The following DLG4 variants were observed in gnomAD, a reference collection of about 807,000 sequenced individuals.
DLG4 encodes discs large MAGUK scaffold protein 4, also known as disks large homolog 4.
In DLG4, 7 loss-of-function variants were observed where a neutral mutation model predicts 93.8. That is an observed-to-expected ratio of 0.07 (90% CI 0.04 to 0.14). The LOEUF (loss-of-function observed/expected upper bound fraction) is 0.14. DLG4 is among the 10% of genes least tolerant of loss of function. The pLI is 1.00. For missense variants in DLG4, 545 were observed against 992.9 expected (o/e 0.55, Z 6.06); for synonymous variants, 341 against 387.6 (o/e 0.88, Z 1.41).
At chr17:7,219,935 G>GCGGGCGTGCAGGACC, upstream of DLG4, 3 of 1,577,922 alleles carry the variant, frequency 1.9e-6, 1 homozygote, top group South Asian at 3.4e-5. Flanking sequence ...CGTGCAGGAC[G>GCGGGCGTGCAGGACC]CCAGAGCTGG....
In DLG4 at chr17:7,208,351, G is replaced by A. The variant is rs2070575903; in HGVS notation, c.31-112C>T. On this transcript the variant is annotated intron_variant, in intron 1 of 19. Transcript: ENST00000399506. This position sits in a 1 kb window ranked among gnomAD's most constrained non-coding sequence, Gnocchi z 5.4. Reference sequence around the variant, plus strand: ...GCCAGTGCAGTGCGGAAGGCCCTGGGGCCTGACCAGCTCCTCCCCCTCCCT... The same window carrying A: ...GCCAGTGCAGTGCGGAAGGCCCTGGAGCCTGACCAGCTCCTCCCCCTCCCT... 2.1e-6 allele frequency: 2 copies of A among 959,540 alleles called. No homozygotes were observed. Among genetic ancestry groups the A allele is most frequent in the Non-Finnish European group, 2.8e-6 (2 of 713,908 alleles). The allele number at this position is 959,540 out of a possible 1,614,324, so 59.4% of individuals were successfully genotyped here. A position where few individuals can be genotyped will look rare whatever the true frequency, so the allele number is the denominator to read the frequency against.
At position 7,217,433 on chromosome 17, in the gene DLG4, A is replaced by G; in HGVS notation, c.-286T>C. On this transcript the variant is annotated 5_prime_UTR_variant, in exon 1 of 20. Transcript: ENST00000399506. ...AGGGGCGGGGGCACCGGGGGCTGGC[A>G]GCCCCGGAGTTCGGGGGCTGGGGCA... 1 of 210,424 alleles carries G rather than the reference A, an allele frequency of 4.8e-6. No homozygotes were observed. Among genetic ancestry groups the G allele is most frequent in the Non-Finnish European group, 8.1e-6 (1 of 123,952 alleles). The allele number at this position is 210,424 out of a possible 1,614,324, so 13.0% of individuals were successfully genotyped here. A position where few individuals can be genotyped will look rare whatever the true frequency, so the allele number is the denominator to read the frequency against.
chr17:7,217,895 G>A (rs1048237452), upstream of DLG4: 52 of 1,398,380 alleles, frequency 3.7e-5, no homozygotes, highest in South Asian at 5.0e-5. Context: ...ATACGGGAGG[G>A]AGGCCTCTCG....
Position 7,187,412 on chromosome 17 carries a change from G to A in DLG4, c.*3296C>T, listed in dbSNP as rs547548185. On this transcript the variant is annotated 3_prime_UTR_variant, in exon 20 of 20. Coordinates refer to ENST00000399506, the MANE Select transcript of DLG4 (RefSeq NM_001321075.3). ...ATACAAAAAATTAGCTGGGCGTGGT[G>A]GCATGCACCTGTAATCCCAGCTACT... Among the ~76,000 whole-genome samples the A allele has an allele frequency of 7.9e-5, 12 of 151,564 alleles. No homozygotes were observed. In the South Asian group the frequency reaches 2.5e-3, roughly 32 times the overall value.
chr17:7,204,179 C>A lies in DLG4; in HGVS notation c.150+20G>T. On this transcript the variant is annotated intron_variant, in intron 3 of 19. Coordinates refer to ENST00000399506, the MANE Select transcript of DLG4 (RefSeq NM_001321075.3). ...CCTTCCTTCTGCAATGGCCCCAGCC[C>A]CAAAATCTAAACAACTCACATATCC... 1.2e-6 allele frequency: 2 copies of A among 1,606,834 alleles called. No individual in the cohort carries two copies. The highest frequency in any genetic ancestry group is 1.7e-6 in the Non-Finnish European group (2 of 1,175,614).
chr17:7,190,681 C>T lies in DLG4; in HGVS notation c.*27G>A, dbSNP rs1259134795. 8 of 1,586,132 alleles carry T rather than the reference C, an allele frequency of 5.0e-6. No individual in the cohort carries two copies. Among genetic ancestry groups the T allele is most frequent in the Admixed American group, 3.3e-5 (2 of 59,940 alleles). Reference sequence around the variant, plus strand: ...AAGGGCCCAGGTGATGGAGGCAGGGCGAGTCCAGGCCAAGCCAGGGCAGGA... The same window carrying T: ...AAGGGCCCAGGTGATGGAGGCAGGGTGAGTCCAGGCCAAGCCAGGGCAGGA... On this transcript the variant is annotated 3_prime_UTR_variant, in exon 20 of 20. Coordinates refer to ENST00000399506, the MANE Select transcript of DLG4 (RefSeq NM_001321075.3).
intron 8 of DLG4, among the ~76,000 whole-genome samples, chr17:7,202,423 T>C (rs1214467815): frequency 6.6e-6 from 1 of 152,218 alleles, no homozygotes; most frequent in African/African-American, 2.4e-5. Flanking sequence ...GAGCCATCTT[T>C]AGTTTTCTGA....
In DLG4 at chr17:7,196,099, G is replaced by C. The variant is rs1321469982; in HGVS notation, c.1301+121C>G. ...GCCCATGAACCCTGGCTGCGCCTCA[G>C]GCCTGGGGTGGGGAGCTAGAGCAGG... On this transcript the variant is annotated intron_variant, in intron 11 of 19. Transcript: ENST00000399506. The surrounding 1 kb of genome is among the most constrained non-coding windows in gnomAD (Gnocchi z 8.3). 1 of 695,488 alleles carries C rather than the reference G, an allele frequency of 1.4e-6. No individual in the cohort carries two copies. The highest frequency in any genetic ancestry group is 1.8e-5 in the African/African-American group (1 of 55,798). 43.1% of individuals were successfully genotyped at this position (695,488 alleles called of 1,614,324 possible).
At position 7,195,720 on chromosome 17, in the gene DLG4, G is replaced by C. The variant is rs1220664088; in HGVS notation, c.1301+500C>G. Among the ~76,000 whole-genome samples, 4 of 152,144 alleles carry C rather than the reference G, an allele frequency of 2.6e-5. No homozygotes were observed. Among genetic ancestry groups the C allele is most frequent in the Non-Finnish European group, 5.9e-5 (4 of 68,028 alleles). ...ACAGAAGTGGAGGGGTGACCCCCGG[G>C]GGCGGGAGAGAGGTGTGTTTTGGCA... On this transcript the variant is annotated intron_variant, in intron 11 of 19. Coordinates refer to ENST00000399506, the MANE Select transcript of DLG4 (RefSeq NM_001321075.3). The surrounding 1 kb of genome is among the most constrained non-coding windows in gnomAD (Gnocchi z 4.3).
intron 19 of DLG4, 41 bp from the exon 20 acceptor site, chr17:7,190,855 C>A (rs2069451204): frequency 6.4e-7 from 1 of 1,550,734 alleles, no homozygotes; most frequent in Non-Finnish European, 8.9e-7. Flanking sequence ...CAAGGAAGGG[C>A]CAGAGGACAC....
upstream of DLG4, chr17:7,218,590 T>C (rs768074006): frequency 1.5e-5 from 24 of 1,566,472 alleles, no homozygotes; most frequent in Non-Finnish European, 1.9e-5. Flanking sequence ...GGAGTGGGGG[T>C]GCCCACCGCA....
Position 7,193,960 on chromosome 17 carries a change from C to G in DLG4, c.1515+4G>C, listed in dbSNP as rs1410696214. 8.1e-6 allele frequency: 13 copies of G among 1,613,424 alleles called. No individual in the cohort carries two copies. In the Admixed American group the frequency reaches 2.0e-4, roughly 25 times the overall value. On this transcript the variant is annotated splice_donor_region_variant and intron_variant, in intron 13 of 19. Coordinates refer to ENST00000399506, the MANE Select transcript of DLG4 (RefSeq NM_001321075.3). The surrounding 1 kb of genome is among the most constrained non-coding windows in gnomAD (Gnocchi z 6.7). ...CACCCAGGCTCACACCCTCCTCCAC[C>G]TACCTTGGCCTTTAACCTTGACCAC...
At position 7,202,910 on chromosome 17, in the gene DLG4, G is replaced by C; in HGVS notation, c.780C>G (p.Ile260Met). The change falls in exon 8 of 20, where the codon ATC (isoleucine) becomes ATG (methionine). Residue 260 changes from isoleucine to methionine, a missense_variant. By Grantham distance (10) the Ile-to-Met change is conservative. Around this residue, in one of 5 missense-constraint regions of DLG4, gnomAD observed 428 missense variants for 741.4 expected, o/e 0.58. Transcript: ENST00000399506. The part of the protein sequence containing the change: ...YLSDSYAPPD[I>M]TTSYSQHLDN... ...TGTTTGAAGGGCTCTCACAGGTTGT[G>C]ATGTCTGGGGGAGCATAGCTGTCAC... is the stretch of plus-strand genomic sequence containing the variant. The C allele has an allele frequency of 1.9e-6, 3 of 1,614,008 alleles. No homozygotes were observed. Among genetic ancestry groups the C allele is most frequent in the Non-Finnish European group, 2.5e-6 (3 of 1,179,864 alleles).
chr17:7,205,158 C>G (rs774157753), intron 2 of DLG4: 880 of 985,508 alleles, frequency 8.9e-4, no homozygotes, highest in Non-Finnish European at 1.0e-3. Flanking sequence ...ACGCCCCTCA[C>G]CCTACGCAGT....
chr17:7,202,581 T>C (rs2142879891), intron 8 of DLG4: 2 of 479,058 alleles, frequency 4.2e-6, no homozygotes, highest in East Asian at 6.1e-5. Flanking sequence ...ACTGGCCTTA[T>C]AAAATGAAAT....
chr17:7,203,444 T>C lies in DLG4; in HGVS notation c.485A>G (p.Lys162Arg). The C allele has an allele frequency of 6.2e-7, 1 of 1,609,422 alleles. No individual in the cohort carries two copies. Among genetic ancestry groups the C allele is most frequent in the Non-Finnish European group, 8.5e-7 (1 of 1,176,148 alleles). Residue 162 changes from lysine to arginine, a missense_variant, in exon 6 of 20, where the codon AAG becomes AGG. Physicochemically the swap from Lys to Arg is conservative, Grantham distance 26. Transcript: ENST00000399506. This position sits in a 1 kb window ranked among gnomAD's most constrained non-coding sequence, Gnocchi z 7.2. ...ACTACCTTTAGGCCCCTTGATGAGCTTGATCTCCATGACCTTCTCAGCCGG... is the reference window on the plus strand; with the variant it reads ...ACTACCTTTAGGCCCCTTGATGAGCCTGATCTCCATGACCTTCTCAGCCGG... The part of the protein sequence containing the change: ...KPPAEKVMEI[K>R]LIKGPKGLGF...
chr17:7,219,464 C>T (rs2071081142), upstream of DLG4: 1 of 1,037,106 alleles, frequency 9.6e-7, no homozygotes, highest in African/African-American at 1.7e-5. Context: ...GAAGAATACA[C>T]TTAGGGTACT....
upstream of DLG4, chr17:7,220,035 CG>C: frequency 6.2e-7 from 1 of 1,604,692 alleles, no homozygotes. Flanking sequence ...TGCTGAGGCT[CG>C]GGGGCGGAAG....
At chr17:7,209,444 C>G (rs1445864950) in intron 1 of DLG4, among the ~76,000 whole-genome samples, 2 of 152,178 alleles carry the variant, frequency 1.3e-5, no homozygotes, top group Admixed American at 1.3e-4. Flanking sequence ...ACGCAGGGAT[C>G]CCTCAGGAAC....
Sources: allele counts gnomAD v4.1 joint callset (sites outside exome capture counted in the v4.1 genomes callset), GRCh38; gene constraint gnomAD v4.1.1; regional missense constraint gnomAD v4.1.1; non-coding constraint Gnocchi (gnomAD v3.1); transcripts MANE v1.5; gene names NCBI Gene and HGNC (gene_info 2026-07-23, HGNC 2026-07-21).